The following HPSE2 variants were observed in gnomAD, a reference collection of about 807,000 sequenced individuals.
HPSE2 encodes the protein inactive heparanase-2.
In HPSE2, 38 loss-of-function variants were observed where a neutral mutation model predicts 60.5. The observed-to-expected ratio is 0.63, with a 90% CI of 0.48 to 0.82. HPSE2 has a LOEUF of 0.82. Among genes scored for constraint, HPSE2 ranks in the 40% least tolerant of loss-of-function variants. The pLI is 0.00. For missense variants in HPSE2, 713 were observed against 740.4 expected (o/e 0.96, Z 0.43); for synonymous variants, 295 against 293.2 (o/e 1.01, Z -0.06).
intron 9 of HPSE2, among the ~76,000 whole-genome samples, chr10:98,581,672 A>G (rs1944802213): frequency 6.6e-6 from 1 of 152,104 alleles, no homozygotes; most frequent in Admixed American, 6.6e-5. Flanking sequence ...TGAGAGGGAT[A>G]CATTGTGTGT....
chr10:99,207,449 A>G (rs1158747299), intron 2 of HPSE2, among the ~76,000 whole-genome samples: 1 of 152,212 alleles, frequency 6.6e-6, no homozygotes, highest in Non-Finnish European at 1.5e-5. Flanking sequence ...AAAACCCACT[A>G]AGATATAAAA....
At chr10:98,675,808 T>C (rs115023221) in intron 6 of HPSE2, among the ~76,000 whole-genome samples, 1,671 of 152,060 alleles carry the variant, frequency 0.011, 25 homozygotes, top group African/African-American at 0.038. Context: ...GGTGGGAGGA[T>C]TGCGTGAGCC....
chr10:98,903,816 C>T (rs1003560998), intron 3 of HPSE2, among the ~76,000 whole-genome samples: 2 of 151,960 alleles, frequency 1.3e-5, no homozygotes, highest in African/African-American at 2.4e-5. Flanking sequence ...GTAAGGGAGA[C>T]AGATGTATAA....
intron 11 of HPSE2, among the ~76,000 whole-genome samples, chr10:98,477,627 C>T (rs1941074723): frequency 6.6e-6 from 1 of 152,196 alleles, no homozygotes; most frequent in Non-Finnish European, 1.5e-5. Context: ...TGCTTTTTCT[C>T]TGGAAAGGTA....
intron 3 of HPSE2, among the ~76,000 whole-genome samples, chr10:98,936,149 C>G (rs1832763845): frequency 6.9e-6 from 1 of 144,426 alleles, no homozygotes; most frequent in South Asian, 2.1e-4. Flanking sequence ...TTGCATCACC[C>G]CTGCCTGGGA....
At chr10:99,101,460 C>A (rs1472593121) in intron 3 of HPSE2, among the ~76,000 whole-genome samples, 1 of 152,100 alleles carries the variant, frequency 6.6e-6, no homozygotes, top group Non-Finnish European at 1.5e-5. Context: ...ATATATGCAC[C>A]CAATACAGGA....
At chr10:98,738,092 C>A (rs1373559431) in intron 4 of HPSE2, among the ~76,000 whole-genome samples, 1 of 152,124 alleles carries the variant, frequency 6.6e-6, no homozygotes, top group Non-Finnish European at 1.5e-5. Flanking sequence ...TACTACAAGG[C>A]TACAGTAACC....
intron 6 of HPSE2, among the ~76,000 whole-genome samples, chr10:98,673,796 T>C (rs1947566607): frequency 2.0e-5 from 3 of 152,248 alleles, no homozygotes; most frequent in South Asian, 4.2e-4. Context: ...CTCCACTCCA[T>C]AAATAGACCT....
intron 4 of HPSE2, among the ~76,000 whole-genome samples, chr10:98,729,695 T>A (rs1215101929): frequency 6.6e-6 from 1 of 151,650 alleles, no homozygotes; most frequent in Admixed American, 6.6e-5. Flanking sequence ...TATACTAATA[T>A]CAGAAAAAAT....
intron 9 of HPSE2, among the ~76,000 whole-genome samples, chr10:98,543,434 A>C (rs1269906753): frequency 1.3e-5 from 2 of 152,134 alleles, no homozygotes; most frequent in Non-Finnish European, 2.9e-5. Context: ...CGAGCAAAAT[A>C]ACCAGCTAAC....
At chr10:99,111,299 C>CT (rs1319224688) in intron 3 of HPSE2, among the ~76,000 whole-genome samples, 1 of 152,070 alleles carries the variant, frequency 6.6e-6, no homozygotes, top group Non-Finnish European at 1.5e-5. Context: ...TATTCTAGTT[C>CT]TTTTGTCTTT....
intron 3 of HPSE2, among the ~76,000 whole-genome samples, chr10:99,023,697 C>A (rs1957315386): frequency 6.6e-6 from 1 of 152,176 alleles, no homozygotes; most frequent in Non-Finnish European, 1.5e-5. Flanking sequence ...AGAGTCTCTG[C>A]CTGATAATCC....
At chr10:98,820,199 T>TC (rs1281297899) in intron 3 of HPSE2, among the ~76,000 whole-genome samples, 2 of 152,058 alleles carry the variant, frequency 1.3e-5, no homozygotes, top group Non-Finnish European at 2.9e-5. Flanking sequence ...GACATGTCTT[T>TC]CCCCCAAGGA....
chr10:98,919,948 C>CA (rs1243567734), intron 3 of HPSE2, among the ~76,000 whole-genome samples: 1 of 152,150 alleles, frequency 6.6e-6, no homozygotes, highest in Non-Finnish European at 1.5e-5. Context: ...TGTGGCAAGA[C>CA]AATATGTAAC....
chr10:99,092,578 T>C (rs1384286261), intron 3 of HPSE2, among the ~76,000 whole-genome samples: 1 of 152,178 alleles, frequency 6.6e-6, no homozygotes. Context: ...TCAAAATATC[T>C]GCAAGCATAA....
chr10:98,742,143 G>T (rs1392481518), intron 4 of HPSE2, among the ~76,000 whole-genome samples: 2 of 152,022 alleles, frequency 1.3e-5, no homozygotes, highest in Non-Finnish European at 2.9e-5. Flanking sequence ...AAAACTTCAG[G>T]CTACCCTAGT....
At chr10:98,472,470 T>C (rs905706676) in intron 11 of HPSE2, among the ~76,000 whole-genome samples, 2 of 152,166 alleles carry the variant, frequency 1.3e-5, no homozygotes, top group African/African-American at 4.8e-5. Context: ...GGGGGGCCTT[T>C]TGCTCCAGGT....
At chr10:98,724,784 G>T (rs1269295098) in intron 4 of HPSE2, among the ~76,000 whole-genome samples, 1 of 152,074 alleles carries the variant, frequency 6.6e-6, no homozygotes, top group Non-Finnish European at 1.5e-5. Flanking sequence ...GACTAGGATT[G>T]CAAACCCTCA....
intron 11 of HPSE2, chr10:98,461,748 A>T: frequency 6.4e-7 from 1 of 1,562,454 alleles, no homozygotes; most frequent in Non-Finnish European, 8.7e-7. Flanking sequence ...TTAGGTGCAA[A>T]CCTTTCTTCT....
Sources: gnomAD v4.1 joint callset for allele counts (sites outside exome capture counted in the v4.1 genomes callset) on GRCh38, gnomAD v4.1.1 for gene constraint, MANE v1.5 for transcripts, NCBI Gene and HGNC (gene_info 2026-07-23, HGNC 2026-07-21) for gene names.